RBFOX1: variants seen among roughly 807,000 people sequenced by gnomAD.
The protein encoded by RBFOX1 is RNA binding fox-1 homolog 1.
Under a neutral mutation model 57.7 loss-of-function variants are expected in RBFOX1, and 8 were observed. That is an observed-to-expected ratio of 0.14 (90% CI 0.08 to 0.25). The LOEUF (loss-of-function observed/expected upper bound fraction) is 0.25. Ranked by LOEUF, RBFOX1 falls within the 10% of genes least tolerant of loss-of-function variation. The probability of loss-of-function intolerance (pLI) is 1.00; values close to 1 mark genes in which losing one functional copy is unlikely to be tolerated. For missense variants in RBFOX1, 611 were observed against 548.5 expected (o/e 1.11, Z -1.14); for synonymous variants, 326 against 222.4 (o/e 1.47, Z -4.15).
intron 1 of RBFOX1, among the ~76,000 whole-genome samples, chr16:5,433,265 G>T (rs1036682975): frequency 6.6e-6 from 1 of 152,142 alleles, no homozygotes; most frequent in Non-Finnish European, 1.5e-5. Flanking sequence ...CTTGAAAGGA[G>T]GCCCCTTGAC....
At chr16:7,328,179 G>T (rs568683540) in intron 4 of RBFOX1, among the ~76,000 whole-genome samples, 148 of 152,180 alleles carry the variant, frequency 9.7e-4, no homozygotes, top group African/African-American at 3.4e-3. Context: ...TATGTTAGCT[G>T]TTAAGATCTG....
intron 1 of RBFOX1, among the ~76,000 whole-genome samples, chr16:6,223,781 C>T (rs1265618509): frequency 6.6e-6 from 1 of 152,176 alleles, no homozygotes; most frequent in Non-Finnish European, 1.5e-5. Flanking sequence ...TTGCCCATGT[C>T]TATGTCTTGA....
chr16:6,391,571 A>G (rs960440146), intron 2 of RBFOX1, among the ~76,000 whole-genome samples: 3 of 152,038 alleles, frequency 2.0e-5, no homozygotes, highest in Non-Finnish European at 4.4e-5. Flanking sequence ...AGATCATTCT[A>G]TTTGCTGTAA....
chr16:7,354,931 C>A (rs913765749), intron 4 of RBFOX1, among the ~76,000 whole-genome samples: 3 of 152,288 alleles, frequency 2.0e-5, no homozygotes, highest in African/African-American at 7.2e-5. Flanking sequence ...GGTCTCTTTG[C>A]TCTGCTTTCC....
chr16:6,967,507 A>T (rs1459587038), intron 3 of RBFOX1, among the ~76,000 whole-genome samples: 1 of 152,174 alleles, frequency 6.6e-6, no homozygotes. Context: ...ATTTCAGAAG[A>T]AAAACAGGAA....
At chr16:6,855,365 A>C (rs2057645083) in intron 3 of RBFOX1, among the ~76,000 whole-genome samples, 1 of 151,962 alleles carries the variant, frequency 6.6e-6, no homozygotes, top group African/African-American at 2.4e-5. Context: ...ATAAGAAGAG[A>C]TCTTGGCCGG....
chr16:7,158,468 T>G (rs1286027917), intron 4 of RBFOX1, among the ~76,000 whole-genome samples: 1 of 152,190 alleles, frequency 6.6e-6, no homozygotes, highest in Non-Finnish European at 1.5e-5. Context: ...TCTCCTGACC[T>G]TTTTCAGATT....
chr16:6,304,495 T>A (rs2079212732), intron 1 of RBFOX1, among the ~76,000 whole-genome samples: 1 of 151,954 alleles, frequency 6.6e-6, no homozygotes, highest in African/African-American at 2.4e-5. Context: ...ACACTTAGAA[T>A]CTTGAGGACT....
intron 14 of RBFOX1, among the ~76,000 whole-genome samples, chr16:7,685,141 T>A (rs1183649618): frequency 2.2e-4 from 34 of 152,060 alleles, no homozygotes; most frequent in African/African-American, 2.4e-5. Context: ...GACTCCAGAA[T>A]GACTAGTGAA....
At chr16:7,318,556 C>G (rs2096487079) in intron 4 of RBFOX1, among the ~76,000 whole-genome samples, 1 of 152,178 alleles carries the variant, frequency 6.6e-6, no homozygotes, top group African/African-American at 2.4e-5. Context: ...TGGTGATATT[C>G]ATTGTCATTA....
At chr16:6,988,934 G>C (rs7200377) in intron 3 of RBFOX1, among the ~76,000 whole-genome samples, 5,864 of 151,952 alleles carry the variant, frequency 0.039, 395 homozygotes, top group African/African-American at 0.13. Flanking sequence ...ACCATGCCTG[G>C]CTAATTTTTA....
intron 1 of RBFOX1, among the ~76,000 whole-genome samples, chr16:6,131,934 A>G (rs976356608): frequency 6.6e-6 from 1 of 152,186 alleles, no homozygotes; most frequent in Non-Finnish European, 1.5e-5. Flanking sequence ...CGTCTGGCGG[A>G]TAATGACACT....
At chr16:7,044,558 T>G (rs2153713404) in intron 3 of RBFOX1, among the ~76,000 whole-genome samples, 1 of 152,304 alleles carries the variant, frequency 6.6e-6, no homozygotes, top group South Asian at 2.1e-4. Context: ...TTTCTAACCT[T>G]TCATAAGTGC....
intron 4 of RBFOX1, among the ~76,000 whole-genome samples, chr16:7,279,920 G>C (rs960797122): frequency 3.3e-5 from 5 of 152,170 alleles, no homozygotes; most frequent in African/African-American, 1.2e-4. Context: ...GATCAGGTAT[G>C]ACCTTTGAGA....
At chr16:6,640,951 A>G (rs1477566685) in intron 2 of RBFOX1, among the ~76,000 whole-genome samples, 2 of 152,156 alleles carry the variant, frequency 1.3e-5, no homozygotes, top group East Asian at 1.9e-4. Context: ...TGTGGCAGCC[A>G]TGCTACTCAA....
chr16:6,760,528 A>G (rs2154198465), intron 3 of RBFOX1, among the ~76,000 whole-genome samples: 1 of 152,326 alleles, frequency 6.6e-6, no homozygotes, highest in African/African-American at 2.4e-5. Context: ...TGAAAAGATA[A>G]ACAGTAAATG....
At chr16:7,163,397 ATT>A (rs2078791882) in intron 4 of RBFOX1, among the ~76,000 whole-genome samples, 1 of 152,098 alleles carries the variant, frequency 6.6e-6, no homozygotes, top group African/African-American at 2.4e-5. Context: ...AGTTGAGGAA[ATT>A]TCATCAATGT....
intron 5 of RBFOX1, among the ~76,000 whole-genome samples, chr16:7,528,542 A>C (rs1463639433): frequency 6.6e-6 from 1 of 152,130 alleles, no homozygotes; most frequent in African/African-American, 2.4e-5. Context: ...CTATGGCACC[A>C]TCTTAGTTCA....
intron 1 of RBFOX1, among the ~76,000 whole-genome samples, chr16:6,088,983 C>G (rs1302990506): frequency 6.6e-6 from 1 of 151,418 alleles, no homozygotes; most frequent in Non-Finnish European, 1.5e-5. Context: ...GTAATCCCAG[C>G]TACTCGAGAG....
Sources: gnomAD v4.1 joint callset for allele counts (sites outside exome capture counted in the v4.1 genomes callset) on GRCh38, gnomAD v4.1.1 for gene constraint, MANE v1.5 for transcripts, NCBI Gene and HGNC (gene_info 2026-07-23, HGNC 2026-07-21) for gene names.